Variants in TENM4 observed in about 807,000 individuals in gnomAD.
TENM4 encodes the protein teneurin-4.
Under a neutral mutation model 243.3 loss-of-function variants are expected in TENM4, and 82 were observed. The ratio of observed to expected loss-of-function variants is 0.34; its 90% confidence interval spans 0.28 to 0.40. TENM4 has a LOEUF of 0.40. Among genes scored for constraint, TENM4 ranks in the 10% least tolerant of loss-of-function variants. TENM4 has a pLI of 1.00. For synonymous variants in TENM4, 1,412 were observed against 1,456.3 expected, an observed-to-expected ratio of 0.97 and a Z score of 0.69; for missense variants, 3,138 against 3,673.3, an observed-to-expected ratio of 0.85 and a Z score of 3.77.
chr11:78,672,335 G>C lies in TENM4; in HGVS notation c.5497-6C>G, dbSNP rs1293320515. On this transcript the variant is annotated splice_region_variant and splice_polypyrimidine_tract_variant and intron_variant, in intron 30 of 33. Coordinates refer to ENST00000278550, the MANE Select transcript of TENM4 (RefSeq NM_001098816.3). ...AGGAGATTTCGGTTGTGAACCTGGAGAAAGGGTTGGAAGGAAAGAGAAAAT... is the reference window on the plus strand; with the variant it reads ...AGGAGATTTCGGTTGTGAACCTGGACAAAGGGTTGGAAGGAAAGAGAAAAT... 6.2e-7 allele frequency: 1 copy of C among 1,603,904 alleles called. No individual in the cohort carries two copies. Among genetic ancestry groups the C allele is most frequent in the Non-Finnish European group, 8.5e-7 (1 of 1,172,226 alleles).
chr11:79,018,117 G>A (rs564947524), intron 6 of TENM4, among the ~76,000 whole-genome samples: 4 of 152,120 alleles, frequency 2.6e-5, no homozygotes, highest in Non-Finnish European at 5.9e-5. Flanking sequence ...ATAAAATCTT[G>A]TTGCCCAACT....
intron 26 of TENM4, among the ~76,000 whole-genome samples, chr11:78,708,984 T>A (rs12419993): frequency 0.013 from 1,847 of 145,266 alleles, 17 homozygotes; most frequent in East Asian, 0.048. Flanking sequence ...TTTTTTTTTT[T>A]AAAAAAAGAG....
chr11:79,216,230 G>A (rs373997374), intron 2 of TENM4, among the ~76,000 whole-genome samples: 1 of 152,196 alleles, frequency 6.6e-6, no homozygotes, highest in Non-Finnish European at 1.5e-5. Context: ...ACTGAAGCTT[G>A]CAGGACAGGG....
intron 12 of TENM4, among the ~76,000 whole-genome samples, chr11:78,852,139 G>A (rs950029830): frequency 1.3e-5 from 2 of 152,148 alleles, no homozygotes; most frequent in African/African-American, 2.4e-5. Flanking sequence ...CTAGGCATTC[G>A]GAGTCCAGCG....
At chr11:79,352,084 G>T (rs1444540079) in intron 1 of TENM4, among the ~76,000 whole-genome samples, 1 of 152,248 alleles carries the variant, frequency 6.6e-6, no homozygotes, top group South Asian at 2.1e-4. Context: ...GGAAACATAT[G>T]TGCTGCATAG....
intron 1 of TENM4, among the ~76,000 whole-genome samples, chr11:79,343,807 G>A (rs901705198): frequency 6.6e-6 from 1 of 152,164 alleles, no homozygotes; most frequent in South Asian, 2.1e-4. Context: ...AGCCATCTGG[G>A]GTCCTTTGGG....
chr11:79,187,185 TC>T (rs1863395503), intron 3 of TENM4, among the ~76,000 whole-genome samples: 1 of 152,226 alleles, frequency 6.6e-6, no homozygotes, highest in South Asian at 2.1e-4. Context: ...GACTTGAGCC[TC>T]ATCTATTAAT....
At chr11:78,811,183 C>T (rs1022103233) in intron 14 of TENM4, among the ~76,000 whole-genome samples, 2 of 152,166 alleles carry the variant, frequency 1.3e-5, no homozygotes, top group Admixed American at 1.3e-4. Context: ...GTGGCAGGGC[C>T]AGGATGCAAA....
At chr11:79,276,473 T>A (rs1382793160) in intron 2 of TENM4, among the ~76,000 whole-genome samples, 17 of 152,042 alleles carry the variant, frequency 1.1e-4, no homozygotes, top group Admixed American at 1.1e-3. Context: ...AAAGAAAGTG[T>A]AGATGTTTGG....
chr11:79,182,039 A>T (rs1481687765), intron 3 of TENM4, among the ~76,000 whole-genome samples: 1 of 152,108 alleles, frequency 6.6e-6, no homozygotes, highest in Non-Finnish European at 1.5e-5. Context: ...CTATAGACTC[A>T]ATGCAATCCC....
At chr11:79,178,562 G>A (rs1863217391) in intron 3 of TENM4, among the ~76,000 whole-genome samples, 1 of 152,206 alleles carries the variant, frequency 6.6e-6, no homozygotes, top group Admixed American at 6.5e-5. Flanking sequence ...GCTCCAGAAG[G>A]AGCGTGACAT....
chr11:79,192,175 C>T (rs991304596), intron 3 of TENM4, among the ~76,000 whole-genome samples: 7 of 151,296 alleles, frequency 4.6e-5, no homozygotes, highest in Admixed American at 2.0e-4. Context: ...GCCAGCTGCC[C>T]GGTCTGGGAG....
At chr11:79,147,175 C>G (rs574158087) in intron 4 of TENM4, among the ~76,000 whole-genome samples, 1 of 152,232 alleles carries the variant, frequency 6.6e-6, no homozygotes, top group South Asian at 2.1e-4. Flanking sequence ...ATGAATCACA[C>G]AAAGGCACAT....
At chr11:79,320,090 G>A (rs569425859) in intron 1 of TENM4, among the ~76,000 whole-genome samples, 2 of 152,260 alleles carry the variant, frequency 1.3e-5, no homozygotes, top group East Asian at 1.9e-4. Flanking sequence ...GAGCGCATAC[G>A]CAAGGCACAG....
chr11:79,190,684 T>A (rs911255866), intron 3 of TENM4, among the ~76,000 whole-genome samples: 3 of 152,314 alleles, frequency 2.0e-5, no homozygotes, highest in South Asian at 2.1e-4. Flanking sequence ...TCAATATGAA[T>A]AGGTGATGCA....
chr11:79,376,344 C>T (rs1469894419), intron 1 of TENM4, among the ~76,000 whole-genome samples: 2 of 152,196 alleles, frequency 1.3e-5, no homozygotes, highest in Admixed American at 6.5e-5. Flanking sequence ...TGAAAATGAA[C>T]GATTGGGCAA....
chr11:79,204,099 A>AG (rs145975103), intron 3 of TENM4, among the ~76,000 whole-genome samples: 2 of 152,162 alleles, frequency 1.3e-5, no homozygotes. Flanking sequence ...AAGGTGGTGC[A>AG]GGGGGTGGAG....
intron 3 of TENM4, among the ~76,000 whole-genome samples, chr11:79,152,890 G>A (rs1446725223): frequency 6.6e-6 from 1 of 152,222 alleles, no homozygotes; most frequent in Non-Finnish European, 1.5e-5. Flanking sequence ...TCATCAAGAG[G>A]ACAGAAGAGC....
chr11:79,128,936 T>C (rs889001511), intron 4 of TENM4, among the ~76,000 whole-genome samples: 1 of 152,102 alleles, frequency 6.6e-6, no homozygotes, highest in African/African-American at 2.4e-5. Flanking sequence ...GAACTTTAGC[T>C]CCAGATTGAC....
Sources: gnomAD v4.1 joint callset for allele counts (sites outside exome capture counted in the v4.1 genomes callset) on GRCh38, gnomAD v4.1.1 for gene constraint, MANE v1.5 for transcripts, NCBI Gene and HGNC (gene_info 2026-07-23, HGNC 2026-07-21) for gene names.